The following BRINP1 variants were observed in gnomAD, a reference collection of about 807,000 sequenced individuals.
The protein encoded by BRINP1 is BMP/retinoic acid-inducible neural-specific protein 1.
In BRINP1, 17 loss-of-function variants were observed where a neutral mutation model predicts 72.9. The observed-to-expected ratio is 0.23, with a 90% CI of 0.16 to 0.35. The LOEUF (loss-of-function observed/expected upper bound fraction) is 0.35. BRINP1 is among the 10% of genes least tolerant of loss of function. The pLI is 1.00. For synonymous variants in BRINP1, 418 were observed against 378.5 expected, an observed-to-expected ratio of 1.10 and a Z score of -1.21; for missense variants, 850 against 1,001.6, an observed-to-expected ratio of 0.85 and a Z score of 2.04.
At chr9:119,365,238 A>ATT (rs1449860335) in intron 1 of BRINP1, among the ~76,000 whole-genome samples, 5 of 152,228 alleles carry the variant, frequency 3.3e-5, no homozygotes, top group African/African-American at 1.2e-4. Context: ...AGATGTTGAA[A>ATT]TATGGGTGGA....
chr9:119,243,686 T>A (rs1830282881), intron 3 of BRINP1, among the ~76,000 whole-genome samples: 1 of 152,218 alleles, frequency 6.6e-6, no homozygotes, highest in Admixed American at 6.5e-5. Context: ...TAAAAACGTT[T>A]GTTCAATTGA....
At chr9:119,182,357 T>C (rs1410694512) in intron 7 of BRINP1, among the ~76,000 whole-genome samples, 1 of 152,148 alleles carries the variant, frequency 6.6e-6, no homozygotes, top group Non-Finnish European at 1.5e-5. Flanking sequence ...AAAGATACCA[T>C]AGAATGAAAA....
intron 3 of BRINP1, among the ~76,000 whole-genome samples, chr9:119,246,396 C>T (rs1287782398): frequency 1.3e-5 from 2 of 152,214 alleles, no homozygotes; most frequent in Non-Finnish European, 2.9e-5. Context: ...CTGGCTTAGC[C>T]TCCCAGGCTA....
chr9:119,322,249 G>A (rs959854181), intron 1 of BRINP1, among the ~76,000 whole-genome samples: 2 of 152,126 alleles, frequency 1.3e-5, no homozygotes, highest in African/African-American at 2.4e-5. Flanking sequence ...GTTCTATTCT[G>A]AGTGCTGCCC....
chr9:119,272,906 G>T (rs993091434), intron 2 of BRINP1, among the ~76,000 whole-genome samples: 6 of 152,142 alleles, frequency 3.9e-5, no homozygotes, highest in African/African-American at 1.4e-4. Context: ...TGTCCTTAGA[G>T]GTCCTTGTTC....
intron 2 of BRINP1, among the ~76,000 whole-genome samples, chr9:119,254,296 G>A (rs571908302): frequency 2.0e-5 from 3 of 152,246 alleles, no homozygotes; most frequent in South Asian, 4.2e-4. Context: ...AGGAGGCTGC[G>A]ATGTCCAGAA....
chr9:119,229,198 A>G (rs1412520), intron 5 of BRINP1, among the ~76,000 whole-genome samples: 28,810 of 152,018 alleles, frequency 0.19, 3,054 homozygotes, highest in Non-Finnish European at 0.25. Flanking sequence ...CATTCAGCAT[A>G]TATTTAATGA....
chr9:119,205,652 C>T (rs1317422731), intron 7 of BRINP1, among the ~76,000 whole-genome samples: 1 of 152,092 alleles, frequency 6.6e-6, no homozygotes. Context: ...AATACCTATC[C>T]AGCTACCCTC....
At chr9:119,174,326 CAAAAG>C (rs1205985930) in intron 7 of BRINP1, among the ~76,000 whole-genome samples, 1 of 150,800 alleles carries the variant, frequency 6.6e-6, no homozygotes, top group Admixed American at 6.6e-5. Flanking sequence ...AGACACTTCT[CAAAAG>C]AAGACATTTA....
chr9:119,361,515 C>G (rs10818303), intron 1 of BRINP1, among the ~76,000 whole-genome samples: 98,676 of 152,104 alleles, frequency 0.65, 32,452 homozygotes, highest in East Asian at 1. Flanking sequence ...TTTTAAATTT[C>G]CTTATTTTTT....
chr9:119,265,754 A>G (rs1830542220), intron 2 of BRINP1, among the ~76,000 whole-genome samples: 1 of 152,138 alleles, frequency 6.6e-6, no homozygotes, highest in South Asian at 2.1e-4. Flanking sequence ...GTTAGGTTCA[A>G]GCGTACATGG....
Position 119,167,052 on chromosome 9 carries a change from A to C in BRINP1, c.*32T>G. The C allele has an allele frequency of 1.3e-6, 2 of 1,559,102 alleles. No homozygotes were observed. Among genetic ancestry groups the C allele is most frequent in the Non-Finnish European group, 1.7e-6 (2 of 1,150,494 alleles). ...TTTTGTTCTGTTGTGTGTGTACAACAACAGGAAAAGTCCATGGCAAGGAGT... is the reference window on the plus strand; with the variant it reads ...TTTTGTTCTGTTGTGTGTGTACAACCACAGGAAAAGTCCATGGCAAGGAGT... On this transcript the variant is annotated 3_prime_UTR_variant, in exon 8 of 8. Transcript: ENST00000265922. This position sits in a 1 kb window ranked among gnomAD's most constrained non-coding sequence, Gnocchi z 4.3.
At chr9:119,205,963 GC>G (rs1341745043) in intron 7 of BRINP1, among the ~76,000 whole-genome samples, 1 of 151,760 alleles carries the variant, frequency 6.6e-6, no homozygotes, top group Admixed American at 6.6e-5. Flanking sequence ...AATATTCTGG[GC>G]TGAATTACAT....
At chr9:119,295,752 C>T (rs989802352) in intron 2 of BRINP1, among the ~76,000 whole-genome samples, 6 of 152,098 alleles carry the variant, frequency 3.9e-5, no homozygotes, top group African/African-American at 1.2e-4. Flanking sequence ...ATTGTCAATT[C>T]GTCTTCAACA....
chr9:119,271,495 ATGTAT>A (rs1340750595), intron 2 of BRINP1, among the ~76,000 whole-genome samples: 1 of 152,032 alleles, frequency 6.6e-6, no homozygotes, highest in Non-Finnish European at 1.5e-5. Context: ...TTATTGTGAA[ATGTAT>A]TTATTTATTA....
chr9:119,202,358 C>T (rs1384902967), intron 7 of BRINP1, among the ~76,000 whole-genome samples: 1 of 152,114 alleles, frequency 6.6e-6, no homozygotes, highest in African/African-American at 2.4e-5. Context: ...ATGTGTTTGG[C>T]TTCAAGTTCA....
intron 1 of BRINP1, among the ~76,000 whole-genome samples, chr9:119,346,488 G>A (rs888355603): frequency 2.0e-5 from 3 of 152,114 alleles, no homozygotes; most frequent in Non-Finnish European, 2.9e-5. Context: ...CCACCAACAA[G>A]AAACAGTCAG....
intron 7 of BRINP1, among the ~76,000 whole-genome samples, chr9:119,190,751 T>C (rs912647755): frequency 2.0e-5 from 3 of 151,968 alleles, no homozygotes; most frequent in African/African-American, 7.2e-5. Context: ...CAATACTTCT[T>C]AAATTCTTCC....
chr9:119,369,322 G>C lies in BRINP1; in HGVS notation c.-317C>G, dbSNP rs974454280. 2.5e-6 allele frequency: 1 copy of C among 398,886 alleles called. No homozygotes were observed. The highest frequency in any genetic ancestry group is 4.4e-6 in the Non-Finnish European group (1 of 226,310). 24.7% of individuals were successfully genotyped at this position (398,886 alleles called of 1,614,324 possible). Reference sequence around the variant, plus strand: ...CGGCTCTCTCGCTCTCGCTCTCGCTGTTGCTCGCTCGCTCTCTCCCTCTCT... The same window carrying C: ...CGGCTCTCTCGCTCTCGCTCTCGCTCTTGCTCGCTCGCTCTCTCCCTCTCT... On this transcript the variant is annotated 5_prime_UTR_variant, in exon 1 of 8. Transcript: ENST00000265922.
Sources: gnomAD v4.1 joint callset for allele counts (sites outside exome capture counted in the v4.1 genomes callset) on GRCh38, gnomAD v4.1.1 for gene constraint, Gnocchi (gnomAD v3.1) non-coding constraint, MANE v1.5 for transcripts, NCBI Gene and HGNC (gene_info 2026-07-23, HGNC 2026-07-21) for gene names.